The following MRTFB variants were observed in gnomAD, a reference collection of about 807,000 sequenced individuals.
MRTFB encodes myocardin related transcription factor B.
A neutral mutation model predicts 104.2 loss-of-function variants in MRTFB; 29 were observed. That is an observed-to-expected ratio of 0.28 (90% confidence interval 0.21 to 0.38). The LOEUF (loss-of-function observed/expected upper bound fraction) is 0.38, where lower values mean the gene tolerates loss of function less well. MRTFB is among the 10% of genes least tolerant of loss of function. The pLI, the probability that MRTFB is intolerant of heterozygous loss-of-function variation, is 1.00. For missense variants in MRTFB, 1,270 were observed against 1,341.6 expected, an observed-to-expected ratio of 0.95 and a Z score of 0.83; for synonymous variants, 535 against 519.5, an observed-to-expected ratio of 1.03 and a Z score of -0.41.
At chr16:14,076,822 C>G (rs1376179021) in intron 1 of MRTFB, among the ~76,000 whole-genome samples, 1 of 152,166 alleles carries the variant, frequency 6.6e-6, no homozygotes, top group Non-Finnish European at 1.5e-5. Flanking sequence ...GGATTCGTGT[C>G]AGTCTCGTAG....
chr16:14,215,643 T>C (rs2041384564), intron 6 of MRTFB, among the ~76,000 whole-genome samples: 1 of 152,230 alleles, frequency 6.6e-6, no homozygotes, highest in Non-Finnish European at 1.5e-5. Context: ...CTGAGAGTAA[T>C]TCTTATGTTC....
chr16:14,261,542 A>G lies in MRTFB; in HGVS notation c.*98A>G, dbSNP rs1244889303. On this transcript the variant is annotated 3_prime_UTR_variant, in exon 17 of 17. Coordinates refer to ENST00000571589, the MANE Select transcript of MRTFB (RefSeq NM_001308142.2). ...ATAGATCTATAGTTGCATTGTTGCA[A>G]TCAAAATATGTTGTCACAGAAAGAA... The G allele has an allele frequency of 3.2e-6, 4 of 1,239,304 alleles. No homozygotes were observed. Among genetic ancestry groups the G allele is most frequent in the Admixed American group, 2.4e-5 (1 of 41,254 alleles). 76.8% of individuals were successfully genotyped at this position (1,239,304 alleles called of 1,614,324 possible). A position where few individuals can be genotyped will look rare whatever the true frequency, so the allele number is the denominator to read the frequency against.
At chr16:14,048,235 G>A in the MRTFB span, among the ~76,000 whole-genome samples, 1 of 152,180 alleles carries the variant, frequency 6.6e-6, no homozygotes, top group African/African-American at 2.4e-5. Flanking sequence ...CCATGGTCTT[G>A]GGCAGGCACT....
intron 3 of MRTFB, chr16:14,150,719 A>C (rs1160499216): frequency 6.6e-6 from 1 of 152,230 alleles, no homozygotes; most frequent in African/African-American, 2.4e-5. Flanking sequence ...ACAGTATTTT[A>C]CTGTATTTAT....
chr16:14,027,637 T>C, the MRTFB span, among the ~76,000 whole-genome samples: 1 of 152,210 alleles, frequency 6.6e-6, no homozygotes. Context: ...TAAGATGTTA[T>C]CATGGGGGAA....
At chr16:14,196,885 G>GAA (rs1400387577) in intron 3 of MRTFB, among the ~76,000 whole-genome samples, 5 of 150,422 alleles carry the variant, frequency 3.3e-5, no homozygotes. Context: ...TAGCACCCTT[G>GAA]AAATATAACC....
At chr16:14,252,097 G>T in intron 14 of MRTFB, 74 bp downstream of exon 14, 1 of 1,502,592 alleles carries the variant, frequency 6.7e-7, no homozygotes, top group Non-Finnish European at 9.0e-7. Flanking sequence ...TAGTGCTTTG[G>T]GCTTGGAGTG....
intron 8 of MRTFB, among the ~76,000 whole-genome samples, chr16:14,231,739 C>T (rs1432443200): frequency 1.3e-5 from 2 of 152,216 alleles, no homozygotes; most frequent in African/African-American, 4.8e-5. Flanking sequence ...AAATTACTCA[C>T]ACTTAGATTC....
chr16:14,174,219 C>T (rs2039510347), intron 3 of MRTFB, among the ~76,000 whole-genome samples: 2 of 152,122 alleles, frequency 1.3e-5, no homozygotes, highest in African/African-American at 2.4e-5. Flanking sequence ...TTTTTATCTA[C>T]ATCATCTGTC....
chr16:13,997,525 C>T, the MRTFB span, among the ~76,000 whole-genome samples: 2 of 152,124 alleles, frequency 1.3e-5, no homozygotes, highest in Admixed American at 6.6e-5. Context: ...CTAGGCGTGG[C>T]GGCTCATGCC....
At chr16:14,161,726 C>T (rs2039045953) in intron 3 of MRTFB, among the ~76,000 whole-genome samples, 1 of 152,086 alleles carries the variant, frequency 6.6e-6, no homozygotes, top group Admixed American at 6.5e-5. Flanking sequence ...AGAAGGACTT[C>T]TACACGCCAG....
At chr16:14,001,584 G>C in the MRTFB span, among the ~76,000 whole-genome samples, 1 of 152,190 alleles carries the variant, frequency 6.6e-6, no homozygotes, top group South Asian at 2.1e-4. Flanking sequence ...AGGTTTGGCC[G>C]CCAGAAGCAA....
Position 14,187,135 on chromosome 16 carries a change from TG to T in MRTFB, c.155-23107del, listed in dbSNP as rs1301379679. ...TACCATGCTATGTGTCTGCTCTCTC[TG>T]TTCACTCATGTACCTTACACATTCT... On this transcript the variant is annotated intron_variant, in intron 3 of 16. Transcript: ENST00000571589. The T allele has an allele frequency of 3.3e-6, 3 of 897,750 alleles. No individual in the cohort carries two copies. The East Asian group carries it at 7.9e-5, about 24-fold the overall frequency. 55.6% of individuals were successfully genotyped at this position (897,750 alleles called of 1,614,324 possible). A position where few individuals can be genotyped will look rare whatever the true frequency, so the allele number is the denominator to read the frequency against.
intron 2 of MRTFB, among the ~76,000 whole-genome samples, chr16:14,115,521 A>G (rs1037017062): frequency 3.3e-5 from 5 of 152,238 alleles, no homozygotes; most frequent in African/African-American, 1.2e-4. Context: ...CACCTTGTAC[A>G]GGTCCTCAAC....
intron 8 of MRTFB, among the ~76,000 whole-genome samples, chr16:14,227,334 T>C (rs1387035314): frequency 6.6e-6 from 1 of 151,854 alleles, no homozygotes; most frequent in African/African-American, 2.4e-5. Flanking sequence ...CTCCCCGCTC[T>C]CTCTTGCTTC....
chr16:14,002,377 C>T, the MRTFB span, among the ~76,000 whole-genome samples: 2 of 150,884 alleles, frequency 1.3e-5, no homozygotes, highest in Non-Finnish European at 2.9e-5. Context: ...AGCAAGACTC[C>T]GTCCGGGAAA....
rs1025064116 is a variant in MRTFB at position 14,265,212 on chromosome 16, A to G, written c.*3768A>G. The G allele has an allele frequency of 1.3e-5, 2 of 152,228 alleles. No individual in the cohort carries two copies. Among genetic ancestry groups the G allele is most frequent in the African/African-American group, 4.8e-5 (2 of 41,462 alleles). 9.4% of individuals were successfully genotyped at this position (152,228 alleles called of 1,614,324 possible). On this transcript the variant is annotated 3_prime_UTR_variant, in exon 17 of 17. Coordinates refer to ENST00000571589, the MANE Select transcript of MRTFB (RefSeq NM_001308142.2). ...AGAGAATAGCTATTCAGTGTCTACT[A>G]GCAGAGCAACATGTGTCAATTTAAC...
chr16:14,266,435 C>T lies in MRTFB; in HGVS notation c.*4991C>T, dbSNP rs1597413124. 1 of 152,180 alleles carries T rather than the reference C, an allele frequency of 6.6e-6. No homozygotes were observed. The allele number at this position is 152,180 out of a possible 1,614,324, so 9.4% of individuals were successfully genotyped here. A position where few individuals can be genotyped will look rare whatever the true frequency, so the allele number is the denominator to read the frequency against. On this transcript the variant is annotated 3_prime_UTR_variant, in exon 17 of 17. Coordinates refer to ENST00000571589, the MANE Select transcript of MRTFB (RefSeq NM_001308142.2). ...TGAAAAAAAGGAGAAAGATACCAAT[C>T]TACAGAGCCCTGCTTGTTGAAGCAC...
chr16:14,074,687 G>A (rs2033930366), intron 1 of MRTFB, among the ~76,000 whole-genome samples: 1 of 152,118 alleles, frequency 6.6e-6, no homozygotes, highest in Non-Finnish European at 1.5e-5. Flanking sequence ...TTTACTACAT[G>A]AATAGGGAAT....
Sources: gnomAD v4.1 joint callset for allele counts (sites outside exome capture counted in the v4.1 genomes callset) on GRCh38, gnomAD v4.1.1 for gene constraint, MANE v1.5 for transcripts, NCBI Gene and HGNC (gene_info 2026-07-23, HGNC 2026-07-21) for gene names.